NHSL2: variants seen among roughly 807,000 people sequenced by gnomAD.
The protein encoded by NHSL2 is NHS-like protein 2.
Under a neutral mutation model 53.4 loss-of-function variants are expected in NHSL2, and 27 were observed. The ratio of observed to expected loss-of-function variants is 0.51; its 90% CI spans 0.37 to 0.70. NHSL2 has a LOEUF of 0.70. Ranked by LOEUF, NHSL2 falls within the 30% of genes least tolerant of loss-of-function variation. The pLI is 0.00. For missense variants in NHSL2, 892 were observed against 980.1 expected, an observed-to-expected ratio of 0.91 and a Z score of 1.20; for synonymous variants, 408 against 404.1, an observed-to-expected ratio of 1.01 and a Z score of -0.12.
chrX:71,959,550 A>G (rs749384649), intron 1 of NHSL2, among the ~76,000 whole-genome samples: 6 of 111,397 alleles, frequency 5.4e-5, no homozygotes, highest in Non-Finnish European at 9.4e-5. Context: ...ACTACAATCA[A>G]TTTTAAAGAT....
intron 1 of NHSL2, among the ~76,000 whole-genome samples, chrX:72,074,271 C>T (rs1431062159): frequency 8.9e-6 from 1 of 112,642 alleles, no homozygotes; most frequent in East Asian, 2.8e-4. Flanking sequence ...TTATAGTTGA[C>T]CTGGCTCTTT....
At chrX:71,976,636 C>T (rs1230391575) in intron 1 of NHSL2, among the ~76,000 whole-genome samples, 1 of 111,921 alleles carries the variant, frequency 8.9e-6, no homozygotes, top group African/African-American at 3.2e-5. Context: ...CCGCAGTAAC[C>T]TGTGAGGCAG....
intron 1 of NHSL2, among the ~76,000 whole-genome samples, chrX:72,022,306 C>A (rs2042163974): frequency 8.9e-6 from 1 of 112,569 alleles, no homozygotes; most frequent in African/African-American, 3.2e-5. Flanking sequence ...AGAACTATTT[C>A]CAGAATCTTT....
chrX:72,001,970 C>T (rs1243253805), intron 1 of NHSL2, among the ~76,000 whole-genome samples: 1 of 112,799 alleles, frequency 8.9e-6, no homozygotes, highest in Non-Finnish European at 1.9e-5. Context: ...AATAATAATG[C>T]CCACAGGTGT....
rs2042002427 is a variant in NHSL2 at position 71,986,258 on chromosome X, A to C, written c.280+74891A>C. 2.7e-5 allele frequency among the ~76,000 whole-genome samples: 3 copies of C among 112,118 alleles called. No individual in the cohort carries two copies. In the South Asian group the frequency reaches 1.1e-3, roughly 41 times the overall value. On this transcript the variant is annotated intron_variant, in intron 1 of 7. Coordinates refer to ENST00000633930, the MANE Select transcript of NHSL2 (RefSeq NM_001013627.3). ...TAGGTCAGAAAAAGTCATAGTTTAT[A>C]ATTTCACTTTGGAAAGCTTATCAAA...
intron 1 of NHSL2, among the ~76,000 whole-genome samples, chrX:72,019,897 A>G (rs184763621): frequency 1.0e-3 from 115 of 111,979 alleles, no homozygotes; most frequent in Non-Finnish European, 1.7e-3. Context: ...GCAGTCCAAG[A>G]GACTCAGGTT....
intron 1 of NHSL2, among the ~76,000 whole-genome samples, chrX:71,936,494 T>A (rs1377369564): frequency 8.9e-6 from 1 of 112,890 alleles, no homozygotes; most frequent in Non-Finnish European, 1.9e-5. Flanking sequence ...TAGTTTTTAA[T>A]GTGTGATCCA....
intron 1 of NHSL2, among the ~76,000 whole-genome samples, chrX:71,943,897 T>C (rs761252420): frequency 2.6e-4 from 29 of 112,242 alleles, no homozygotes; most frequent in Non-Finnish European, 4.9e-4. Flanking sequence ...CATCCTACGC[T>C]TGTTGCCTCA....
At chrX:72,125,058 A>T (rs773465513) in intron 1 of NHSL2, among the ~76,000 whole-genome samples, 1 of 53,859 alleles carries the variant, frequency 1.9e-5, no homozygotes, top group East Asian at 2.9e-4. Context: ...GGCGCATCTG[A>T]CAGCCAGGTC....
intron 1 of NHSL2, among the ~76,000 whole-genome samples, chrX:71,936,418 TGGA>T (rs1310177968): frequency 1.8e-5 from 2 of 112,102 alleles, no homozygotes; most frequent in African/African-American, 6.5e-5. Flanking sequence ...AGTGGGTCAG[TGGA>T]TGGCCTCTGA....
At position 72,139,127 on chromosome X, in the gene NHSL2, G is replaced by A. The variant is rs138800752; in HGVS notation, c.1579G>A (p.Ala527Thr). 6.0e-6 allele frequency: 7 copies of A among 1,170,290 alleles called. No individual in the cohort carries two copies. The African/African-American group carries it at 1.2e-4, about 21-fold the overall frequency. ...KANEACALPF[A>T]STSSEGSNSA... ...CAATGAGGCCTGTGCCCTGCCTTTT[G>A]CCAGTACGAGCTCTGAGGGCAGTAA... The change falls in exon 6 of 8, where the codon GCC becomes ACC. Residue 527 changes from alanine to threonine, a missense_variant. Physicochemically the swap from Ala to Thr is moderately conservative, Grantham distance 58. Coordinates refer to ENST00000633930, the MANE Select transcript of NHSL2 (RefSeq NM_001013627.3).
intron 1 of NHSL2, among the ~76,000 whole-genome samples, chrX:72,030,384 A>G (rs909001602): frequency 4.4e-5 from 5 of 112,421 alleles, no homozygotes; most frequent in Non-Finnish European, 7.5e-5. Context: ...CTCAGAATCA[A>G]TCACAGCTTT....
chrX:72,015,849 G>A (rs768953221), intron 1 of NHSL2, among the ~76,000 whole-genome samples: 11 of 111,795 alleles, frequency 9.8e-5, no homozygotes, highest in African/African-American at 3.6e-4. Context: ...CCTTTTTATT[G>A]ATTTACAGAA....
chrX:71,952,564 G>C (rs1390632545), intron 1 of NHSL2, among the ~76,000 whole-genome samples: 2 of 111,194 alleles, frequency 1.8e-5, no homozygotes, highest in Non-Finnish European at 3.8e-5. Context: ...TGGGAGAAGG[G>C]GTAAACAGGC....
chrX:71,976,525 G>A (rs1370525747), intron 1 of NHSL2, among the ~76,000 whole-genome samples: 1 of 111,704 alleles, frequency 9.0e-6, no homozygotes, highest in Non-Finnish European at 1.9e-5. Flanking sequence ...AGACATTCAA[G>A]ACCCTCTTGA....
At chrX:72,117,838 A>ATTTC (rs1221799152) in intron 1 of NHSL2, among the ~76,000 whole-genome samples, 1 of 107,164 alleles carries the variant, frequency 9.3e-6, no homozygotes, top group Non-Finnish European at 1.9e-5. Context: ...TTATTTATTT[A>ATTTC]TTTATTTATT....
chrX:72,066,716 T>G lies in NHSL2; in HGVS notation c.281-65363T>G, dbSNP rs2042432165. ...GTAGGCCCAGTGGAAGAAGCCAGTA[T>G]GGACCTTGGCTAAGCTGCCTCCCCT... On this transcript the variant is annotated intron_variant, in intron 1 of 7. Coordinates refer to ENST00000633930, the MANE Select transcript of NHSL2 (RefSeq NM_001013627.3). 4.5e-5 allele frequency among the ~76,000 whole-genome samples: 5 copies of G among 112,338 alleles called. No individual in the cohort carries two copies. The South Asian group carries it at 1.8e-3, about 41-fold the overall frequency.
In NHSL2 at chrX:71,994,298, CTG is replaced by C. The variant is rs10673341; in HGVS notation, c.280+82961_280+82962del. Among the ~76,000 whole-genome samples the C allele has an allele frequency of 5.2e-3, 464 of 90,045 alleles. 2 individuals are homozygous for C. The highest frequency in any genetic ancestry group is 0.016 in the Middle Eastern group (3 of 182). 78.2% of individuals were successfully genotyped at this position (90,045 alleles called of 115,157 possible). A position where few individuals can be genotyped will look rare whatever the true frequency, so the allele number is the denominator to read the frequency against. On this transcript the variant is annotated intron_variant, in intron 1 of 7. Transcript: ENST00000633930. The stretch of plus-strand genomic sequence containing the variant: ...GAGAGATCCCTGAGGGAGGCTCCCT[CTG>C]TGTGTGTGTGTGTGTGTGTGTGTGT...
At chrX:72,131,695 G>C in intron 1 of NHSL2, 1 of 461,054 alleles carries the variant, frequency 2.2e-6, no homozygotes, top group Non-Finnish European at 3.3e-6. Context: ...CCACCGGGGC[G>C]AGCTCGGAGG....
Sources: gnomAD v4.1 joint callset for allele counts (sites outside exome capture counted in the v4.1 genomes callset) on GRCh38, gnomAD v4.1.1 for gene constraint, MANE v1.5 for transcripts, NCBI Gene and HGNC (gene_info 2026-07-23, HGNC 2026-07-21) for gene names.